Variants in RPAP1 observed in about 807,000 individuals in gnomAD.
RPAP1 encodes the protein RNA polymerase II-associated protein 1.
A neutral mutation model predicts 142.4 loss-of-function variants in RPAP1; 109 were observed. That is an observed-to-expected ratio of 0.77 (90% confidence interval 0.66 to 0.90). The LOEUF is 0.90. RPAP1 is among the 40% of genes least tolerant of loss of function. The probability of loss-of-function intolerance (pLI) is 0.00; values close to 1 mark genes in which losing one functional copy is unlikely to be tolerated. For synonymous variants in RPAP1, 704 were observed against 738.9 expected, an observed-to-expected ratio of 0.95 and a Z score of 0.77; for missense variants, 1,546 against 1,751.7, an observed-to-expected ratio of 0.88 and a Z score of 2.10.
chr15:41,529,161 C>G (rs2051823551), intron 9 of RPAP1, among the ~76,000 whole-genome samples: 1 of 152,092 alleles, frequency 6.6e-6, no homozygotes, highest in African/African-American at 2.4e-5. Context: ...ATGGTGAAAC[C>G]CCGTCTCTAC....
Position 41,536,485 on chromosome 15 carries a change from C to A in RPAP1, c.330+16G>T. On this transcript the variant is annotated intron_variant, in intron 3 of 24. Transcript: ENST00000304330. The stretch of plus-strand genomic sequence containing the variant: ...CCCTAGAACATCTTATCCTACTCAG[C>A]CAGAGTGAGACGCACAATAATCTTA... The A allele has an allele frequency of 3.7e-6, 6 of 1,613,518 alleles. No homozygotes were observed. The highest frequency in any genetic ancestry group is 5.1e-6 in the Non-Finnish European group (6 of 1,179,716).
In RPAP1 at chr15:41,521,753, C is replaced by T. The variant is rs373430885; in HGVS notation, c.3023G>A (p.Arg1008Gln). Residue 1008 changes from arginine to glutamine, a missense_variant, in exon 21 of 25, where the codon CGG (arginine) becomes CAG (glutamine). Around this residue, in one of 3 missense-constraint regions of RPAP1, gnomAD observed 1,333 missense variants for 1,486.6 expected, o/e 0.90. Coordinates refer to ENST00000304330, the MANE Select transcript of RPAP1 (RefSeq NM_015540.4). ...THELLLSCVF[R>Q]LEFLPERTSG... ...AAGCACTTACGGGAGGAACTCCAGC[C>T]GGAATACACAGCTCAGCAGCAGCTC... The T allele has an allele frequency of 4.6e-5, 74 of 1,613,928 alleles. No homozygotes were observed. The Middle Eastern group carries it at 4.9e-4, about 11-fold the overall frequency.
At chr15:41,529,631 C>T in intron 8 of RPAP1, 63 bp from the exon 9 acceptor site, 1 of 1,204,706 alleles carries the variant, frequency 8.3e-7, no homozygotes, top group Non-Finnish European at 1.2e-6. Flanking sequence ...CACCCACTCC[C>T]CACCTTTAAT....
chr15:41,534,316 A>G (rs2051885604), intron 6 of RPAP1, among the ~76,000 whole-genome samples: 1 of 143,102 alleles, frequency 7.0e-6, no homozygotes, highest in African/African-American at 2.6e-5. Context: ...TACTCGAGAG[A>G]CTGAGGTAGG....
chr15:41,534,967 C>T, intron 5 of RPAP1, 32 bp from the exon 6 acceptor site: 1 of 1,604,810 alleles, frequency 6.2e-7, no homozygotes, highest in Non-Finnish European at 8.5e-7. Context: ...ATTCATTGCT[C>T]TGTCCTCCAG....
intron 17 of RPAP1, 118 bp from the exon 18 acceptor site, chr15:41,523,472 G>A: frequency 1.4e-6 from 1 of 699,770 alleles, no homozygotes; most frequent in African/African-American, 1.8e-5. Flanking sequence ...GGAGGCTTCT[G>A]CAGGCTGAGC....
Position 41,520,828 on chromosome 15 carries a change from G to C in RPAP1, c.3358C>G (p.Leu1120Val). 3 of 1,613,908 alleles carry C rather than the reference G, an allele frequency of 1.9e-6. No individual in the cohort carries two copies. Among genetic ancestry groups the C allele is most frequent in the Non-Finnish European group, 2.5e-6 (3 of 1,180,016 alleles). ...GTGCCCATGGTGTCTGTGGGAGAGA[G>C]TCCCGAGGGGGTGTCTGAAGCCCGG... ...YHRASDTPSG[L>V]SPTDTMGTAM... Residue 1120 changes from leucine (L) to valine (V), a missense_variant, in exon 22 of 25, where the codon CTC becomes GTC. Transcript: ENST00000304330.
intron 20 of RPAP1, 92 bp from the exon 21 acceptor site, chr15:41,521,972 C>G: frequency 6.4e-7 from 1 of 1,563,028 alleles, no homozygotes; most frequent in Non-Finnish European, 8.7e-7. Flanking sequence ...GGCTGAAGGG[C>G]AGAGGTCCAG....
At chr15:41,528,143 G>C in intron 10 of RPAP1, 92 bp downstream of exon 10, 1 of 1,497,734 alleles carries the variant, frequency 6.7e-7, no homozygotes, top group Non-Finnish European at 9.1e-7. Flanking sequence ...TAGCTGGCTA[G>C]TGAGCCAGAG....
At chr15:41,533,667 A>G (rs1028332038) in intron 6 of RPAP1, among the ~76,000 whole-genome samples, 1 of 151,784 alleles carries the variant, frequency 6.6e-6, no homozygotes, top group Non-Finnish European at 1.5e-5. Context: ...CGTCTCTACT[A>G]AAAATACAAA....
At chr15:41,539,409 C>T (rs2051948740) in intron 1 of RPAP1, among the ~76,000 whole-genome samples, 2 of 152,278 alleles carry the variant, frequency 1.3e-5, no homozygotes, top group Admixed American at 1.3e-4. Context: ...ATTCTCCTGC[C>T]TCAGCCTCCT....
At chr15:41,518,342 C>T in intron 22 of RPAP1, 160 bp from the exon 23 acceptor site, 1 of 601,212 alleles carries the variant, frequency 1.7e-6, no homozygotes, top group South Asian at 3.1e-5. Flanking sequence ...TTAAAGACTA[C>T]AGAGCAGATG....
intron 6 of RPAP1, chr15:41,533,537 A>G (rs1198002200): frequency 6.9e-6 from 1 of 144,332 alleles, no homozygotes; most frequent in Non-Finnish European, 1.5e-5. Flanking sequence ...AAAACCTTAA[A>G]AGAAATTCGC....
intron 1 of RPAP1, among the ~76,000 whole-genome samples, chr15:41,540,977 C>A (rs1225002496): frequency 6.6e-6 from 1 of 152,124 alleles, no homozygotes; most frequent in East Asian, 1.9e-4. Context: ...ATCATCAAAC[C>A]TCCTCCCCTA....
chr15:41,539,817 C>T (rs1012403411), intron 1 of RPAP1, among the ~76,000 whole-genome samples: 1 of 151,900 alleles, frequency 6.6e-6, no homozygotes, highest in South Asian at 2.1e-4. Flanking sequence ...ACAGGTGGCT[C>T]ACGAGGTCAG....
At chr15:41,535,465 G>A (rs1303801827) in intron 5 of RPAP1, 47 bp downstream of exon 5, 2 of 1,552,662 alleles carry the variant, frequency 1.3e-6, no homozygotes, top group Non-Finnish European at 1.7e-6. Flanking sequence ...CCCTATGATT[G>A]TGTCTTTTAA....
intron 8 of RPAP1, 41 bp downstream of exon 8, chr15:41,529,823 C>A: frequency 6.9e-7 from 1 of 1,447,924 alleles, no homozygotes; most frequent in South Asian, 1.3e-5. Flanking sequence ...CTCTCCTGCC[C>A]TATCTCACCC....
intron 22 of RPAP1, 156 bp from the exon 23 acceptor site, chr15:41,518,338 A>G: frequency 1.6e-6 from 1 of 607,920 alleles, no homozygotes; most frequent in Non-Finnish European, 2.7e-6. Context: ...AGGGTTAAAG[A>G]CTACAGAGCA....
rs768749668 is a variant in RPAP1, at chr15:41,528,329, C to G, written c.1166G>C (p.Gly389Ala). The G allele has an allele frequency of 3.1e-6, 5 of 1,588,934 alleles. No homozygotes were observed. The highest frequency in any genetic ancestry group is 3.4e-6 in the Non-Finnish European group (4 of 1,166,454). Residue 389 changes from glycine to alanine, a missense_variant, in exon 10 of 25, where the codon GGG (glycine) becomes GCG (alanine). By Grantham distance (60) the Gly-to-Ala change is moderately conservative (BLOSUM62 0). This residue lies in a region of RPAP1 where 1,333 missense variants were observed against 1,486.6 expected (regional missense o/e 0.90). Transcript: ENST00000304330. ...GTGGAACAGCTCCTGTAGGGAATAC[C>G]CCGCTCTCTGGGGCAGGGACAAGAA... ...HHHGEEAERAGYSLQELFHLT... is the reference protein window; with the variant it reads ...HHHGEEAERAAYSLQELFHLT...
Sources: allele counts gnomAD v4.1 joint callset (sites outside exome capture counted in the v4.1 genomes callset), GRCh38; gene constraint gnomAD v4.1.1; regional missense constraint gnomAD v4.1.1; transcripts MANE v1.5; gene names NCBI Gene and HGNC (gene_info 2026-07-23, HGNC 2026-07-21).